Variants in EFHC2 observed in about 807,000 individuals in gnomAD.
EFHC2 encodes EF-hand domain-containing family member C2.
In EFHC2, 18 loss-of-function variants were observed where a neutral mutation model predicts 52.7. The ratio of observed to expected loss-of-function variants is 0.34; its 90% confidence interval spans 0.24 to 0.51. The LOEUF (loss-of-function observed/expected upper bound fraction) is 0.51, where lower values mean the gene tolerates loss of function less well. Ranked by LOEUF, EFHC2 falls within the 20% of genes least tolerant of loss-of-function variation. The pLI, the probability that EFHC2 is intolerant of heterozygous loss-of-function variation, is 0.97. For missense variants in EFHC2, 513 were observed against 562.5 expected (o/e 0.91, Z 0.89); for synonymous variants, 203 against 204.1 (o/e 0.99, Z 0.04).
intron 4 of EFHC2, among the ~76,000 whole-genome samples, chrX:44,255,558 C>T (rs952334096): frequency 2.7e-5 from 3 of 111,686 alleles, no homozygotes; most frequent in African/African-American, 9.8e-5. Context: ...GAGATCAATG[C>T]AACAAGAAGA....
At chrX:44,253,245 T>A (rs2037465748) in intron 4 of EFHC2, among the ~76,000 whole-genome samples, 1 of 110,026 alleles carries the variant, frequency 9.1e-6, no homozygotes, top group Non-Finnish European at 1.9e-5. Context: ...TTTTTTTTTT[T>A]TTTCATACCC....
intron 14 of EFHC2, among the ~76,000 whole-genome samples, chrX:44,157,404 C>T (rs1014148443): frequency 9.0e-6 from 1 of 111,183 alleles, no homozygotes; most frequent in Non-Finnish European, 1.9e-5. Flanking sequence ...AAGATCCATT[C>T]TTTGCCCTTT....
chrX:44,296,092 C>A (rs1316215385), intron 2 of EFHC2, among the ~76,000 whole-genome samples: 1 of 111,878 alleles, frequency 8.9e-6, no homozygotes, highest in Non-Finnish European at 1.9e-5. Flanking sequence ...CTATCCACTT[C>A]TTCCTTTCCT....
Position 44,261,062 on chromosome X carries a change from G to A in EFHC2, c.606+13C>T, listed in dbSNP as rs773622629. On this transcript the variant is annotated intron_variant, in intron 4 of 14. Transcript: ENST00000420999. ...TTTTGAAGACAAGAACTCAACAAAC[G>A]TCAATTCCTTACCTCTCTCCGAATC... 1.8e-5 allele frequency: 22 copies of A among 1,190,206 alleles called. No individual in the cohort carries two copies. Among genetic ancestry groups the A allele is most frequent in the African/African-American group, 3.5e-5 (2 of 56,756 alleles).
chrX:44,297,097 T>C (rs1206026653), intron 2 of EFHC2, among the ~76,000 whole-genome samples: 4 of 112,069 alleles, frequency 3.6e-5, no homozygotes, highest in African/African-American at 1.3e-4. Flanking sequence ...CATTACCCAT[T>C]TGATACTCAC....
At chrX:44,271,767 G>C (rs2037619482) in intron 3 of EFHC2, among the ~76,000 whole-genome samples, 1 of 110,677 alleles carries the variant, frequency 9.0e-6, no homozygotes, top group Non-Finnish European at 1.9e-5. Flanking sequence ...GCAGCTCTCT[G>C]CCAGAAAGTT....
intron 13 of EFHC2, among the ~76,000 whole-genome samples, chrX:44,169,564 C>A (rs915582394): frequency 4.5e-5 from 5 of 111,239 alleles, no homozygotes; most frequent in Admixed American, 9.6e-5. Context: ...GTGTGAGCCA[C>A]CACACCTGGC....
intron 2 of EFHC2, among the ~76,000 whole-genome samples, chrX:44,286,607 G>A (rs759713946): frequency 2.7e-5 from 3 of 111,361 alleles, no homozygotes; most frequent in Non-Finnish European, 3.8e-5. Context: ...GCTTTTGATC[G>A]CTTGGTGAAT....
intron 2 of EFHC2, among the ~76,000 whole-genome samples, chrX:44,283,162 AAAGT>A (rs775785642): frequency 6.7e-4 from 75 of 111,378 alleles, no homozygotes; most frequent in African/African-American, 2.1e-3. Flanking sequence ...TTCCAAACCA[AAAGT>A]AAGAGTTTTG....
intron 14 of EFHC2, among the ~76,000 whole-genome samples, chrX:44,161,980 C>T (rs1212164282): frequency 8.9e-6 from 1 of 111,956 alleles, no homozygotes. Flanking sequence ...ATTGCTGTTT[C>T]CCTAACTTCC....
intron 1 of EFHC2, among the ~76,000 whole-genome samples, chrX:44,338,511 C>A (rs953338618): frequency 2.2e-4 from 21 of 97,622 alleles, no homozygotes; most frequent in Admixed American, 1.8e-3. Context: ...GACCCTATCG[C>A]AAAAAAAAAA....
intron 1 of EFHC2, among the ~76,000 whole-genome samples, chrX:44,338,931 C>T (rs1374381618): frequency 8.9e-6 from 1 of 111,755 alleles, no homozygotes; most frequent in Non-Finnish European, 1.9e-5. Context: ...TGGCTCACGC[C>T]TGTAATCCCA....
At chrX:44,175,468 A>T (rs1349740706) in intron 13 of EFHC2, among the ~76,000 whole-genome samples, 1 of 111,606 alleles carries the variant, frequency 9.0e-6, no homozygotes, top group Non-Finnish European at 1.9e-5. Context: ...GAAGCAGAGG[A>T]TGTGCATTTG....
intron 1 of EFHC2, among the ~76,000 whole-genome samples, chrX:44,326,590 A>T (rs1255414045): frequency 9.0e-6 from 1 of 111,046 alleles, no homozygotes; most frequent in Non-Finnish European, 1.9e-5. Flanking sequence ...ATAGCCAATA[A>T]ACATACTAAA....
At chrX:44,222,972 C>T (rs1269341802) in intron 11 of EFHC2, among the ~76,000 whole-genome samples, 8 of 111,647 alleles carry the variant, frequency 7.2e-5, no homozygotes, top group Non-Finnish European at 1.5e-4. Flanking sequence ...CCATGATGTA[C>T]AATAGATCTC....
intron 11 of EFHC2, among the ~76,000 whole-genome samples, chrX:44,200,806 A>G (rs2037001166): frequency 1.8e-5 from 2 of 112,140 alleles, no homozygotes; most frequent in African/African-American, 6.5e-5. Flanking sequence ...ACTGCAGAAC[A>G]CCAAAAACAA....
chrX:44,245,012 T>C (rs1408751600), intron 7 of EFHC2, among the ~76,000 whole-genome samples: 1 of 111,833 alleles, frequency 8.9e-6, no homozygotes, highest in Non-Finnish European at 1.9e-5. Flanking sequence ...TATAAAATCT[T>C]TAAGAATCCT....
At chrX:44,288,555 A>G (rs1189444871) in intron 2 of EFHC2, among the ~76,000 whole-genome samples, 1 of 111,332 alleles carries the variant, frequency 9.0e-6, no homozygotes, top group East Asian at 2.8e-4. Flanking sequence ...CATTGTACTT[A>G]AGTCAATTTT....
chrX:44,261,420 T>C (rs1363705124), intron 3 of EFHC2, 122 bp from the exon 4 acceptor site: 21 of 579,057 alleles, frequency 3.6e-5, no homozygotes, highest in Non-Finnish European at 5.2e-5. Flanking sequence ...GGACTCGTTC[T>C]AGGAAGCAGC....
Sources: gnomAD v4.1 joint callset for allele counts (sites outside exome capture counted in the v4.1 genomes callset) on GRCh38, gnomAD v4.1.1 for gene constraint, MANE v1.5 for transcripts, NCBI Gene and HGNC (gene_info 2026-07-23, HGNC 2026-07-21) for gene names.